The following ZFAND2A variants were observed in gnomAD, a reference collection of about 807,000 sequenced individuals.
ZFAND2A encodes the protein AN1-type zinc finger protein 2A.
A neutral mutation model predicts 11.6 loss-of-function variants in ZFAND2A; 20 were observed. The observed-to-expected ratio is 1.72, with a 90% CI of 1.21 to 2.50. ZFAND2A has a LOEUF of 2.50. ZFAND2A is among the 30% of genes most tolerant of loss of function. The pLI is 0.00. For synonymous variants in ZFAND2A, 93 were observed against 60.6 expected (o/e 1.54, Z -2.48); for missense variants, 234 against 182.9 (o/e 1.28, Z -1.61).
chr7:1,150,838 A>G (rs942882234), downstream of ZFAND2A, among the ~76,000 whole-genome samples: 4 of 150,504 alleles, frequency 2.7e-5, no homozygotes, highest in African/African-American at 9.8e-5. Context: ...GCTGAAATAG[A>G]TCCAGGTGCA....
intron 2 of ZFAND2A, 65 bp from the exon 3 acceptor site, chr7:1,157,815 C>A: frequency 2.4e-6 from 3 of 1,267,956 alleles, no homozygotes; most frequent in Non-Finnish European, 3.3e-6. Context: ...ATAGTACTAT[C>A]AAAGTGTTTA....
In ZFAND2A at chr7:1,152,989, G is replaced by A; in HGVS notation, c.*80C>T. On this transcript the variant is annotated 3_prime_UTR_variant, in exon 5 of 5. Transcript: ENST00000316495. ...AGCCAGTGTGGGATGGTGCTCAATG[G>A]GGCTCCACTTCCCACTAGAGTGTAA... The A allele has an allele frequency of 6.4e-7, 1 of 1,568,232 alleles. No homozygotes were observed. Among genetic ancestry groups the A allele is most frequent in the South Asian group, 1.1e-5 (1 of 87,764 alleles).
downstream of ZFAND2A, chr7:1,152,432 G>A: frequency 7.0e-7 from 1 of 1,424,256 alleles, no homozygotes; most frequent in Non-Finnish European, 9.3e-7. Context: ...AACTACCACT[G>A]GCCTGGCCCA....
chr7:1,152,893 G>A (rs192067270), downstream of ZFAND2A: 1,554 of 987,270 alleles, frequency 1.6e-3, 2 homozygotes, highest in Non-Finnish European at 2.2e-3. Context: ...AGTGGGCAAT[G>A]AGAACAACTA....
At position 1,153,024 on chromosome 7, in the gene ZFAND2A, A is replaced by T. The variant is rs752645129; in HGVS notation, c.*45T>A. The T allele has an allele frequency of 6.2e-7, 1 of 1,612,224 alleles. No homozygotes were observed. Among genetic ancestry groups the T allele is most frequent in the Non-Finnish European group, 8.5e-7 (1 of 1,179,102 alleles). ...TCCCACTAGAGTGTAAGCTGCTTCC[A>T]CGCATGCTACTGCGTGCTCCGAGCC... On this transcript the variant is annotated 3_prime_UTR_variant, in exon 5 of 5. Transcript: ENST00000316495.
rs780470934 is a variant in ZFAND2A, at chr7:1,158,168, G to C, written c.45C>G (p.Cys15Trp). The change falls in exon 2 of 5, where the codon TGC (cysteine) becomes TGG (tryptophan). Residue 15 changes from cysteine to tryptophan, a missense_variant. By Grantham distance (215) the Cys-to-Trp change is radical (BLOSUM62 -2). Coordinates refer to ENST00000316495, the MANE Select transcript of ZFAND2A (RefSeq NM_182491.4). ...CTTAAAAGTACTCACCTAGCTGCTTGCAAGTCTTTTCTGAACAATGCTTCC... is the reference window on the plus strand; with the variant it reads ...CTTAAAAGTACTCACCTAGCTGCTTCCAAGTCTTTTCTGAACAATGCTTCC... ...DLGKHCSEKT[C>W]KQLDFLPVKC... 23 of 1,614,114 alleles carry C rather than the reference G, an allele frequency of 1.4e-5. No individual in the cohort carries two copies. In the East Asian group the frequency reaches 2.9e-4, roughly 20 times the overall value.
At position 1,156,599 on chromosome 7, in the gene ZFAND2A, A is replaced by G. The variant is rs1793530441; in HGVS notation, c.151-1015T>C. ...TGAGCTGGGGGCTCCGAAGGGGTGG[A>G]CCGCCCAGCAGCTAACGCCCAGCAT... On this transcript the variant is annotated intron_variant, in intron 3 of 4. Transcript: ENST00000316495. 2.0e-5 allele frequency among the ~76,000 whole-genome samples: 3 copies of G among 151,704 alleles called. No individual in the cohort carries two copies. In the South Asian group the frequency reaches 6.2e-4, roughly 32 times the overall value.
downstream of ZFAND2A, chr7:1,152,042 A>G (rs1237001864): frequency 1.4e-5 from 7 of 510,368 alleles, no homozygotes; most frequent in Non-Finnish European, 2.0e-5. Context: ...AACCAGCTGT[A>G]TGATGCTGCT....
downstream of ZFAND2A, chr7:1,152,834 G>T: frequency 3.0e-6 from 2 of 670,830 alleles, no homozygotes; most frequent in South Asian, 3.5e-5. Context: ...TGAAAGAACC[G>T]ATTTCTATGG....
At chr7:1,153,259 T>C in intron 4 of ZFAND2A, 35 bp from the exon 5 acceptor site, 1 of 1,601,344 alleles carries the variant, frequency 6.2e-7, no homozygotes, top group Non-Finnish European at 8.5e-7. Context: ...AAGCAATTCT[T>C]TTTTTGGAGA....
Position 1,153,138 on chromosome 7 carries a change from A to G in ZFAND2A, c.369T>C (p.Cys123=). Residue 123 remains cysteine, a synonymous_variant, in exon 5 of 5, where the codon TGT becomes TGC. Transcript: ENST00000316495. Reference sequence around the variant, plus strand: ...GGTCCAAAGGGTGTCTGTGCTGGATACAGAAGTTGCCGTGACATTGGGCAC... The same window carrying G: ...GGTCCAAAGGGTGTCTGTGCTGGATGCAGAAGTTGCCGTGACATTGGGCAC... ...MVCAQCHGNF[C]IQHRHPLDHS... The G allele has an allele frequency of 2.5e-6, 4 of 1,614,226 alleles. No homozygotes were observed. The highest frequency in any genetic ancestry group is 3.4e-6 in the Non-Finnish European group (4 of 1,180,040).
intron 3 of ZFAND2A, 197 bp from the exon 4 acceptor site, chr7:1,155,781 C>A: frequency 1.8e-6 from 1 of 558,196 alleles, no homozygotes; most frequent in South Asian, 2.2e-5. Flanking sequence ...ATCAGCTGCC[C>A]TGAGGAGTCT....
intron 1 of ZFAND2A, among the ~76,000 whole-genome samples, chr7:1,159,416 G>A (rs1385396370): frequency 2.0e-5 from 3 of 152,072 alleles, no homozygotes; most frequent in Admixed American, 1.3e-4. Context: ...CCGGTACTAC[G>A]GCCCCGATGG....
downstream of ZFAND2A, chr7:1,152,120 C>G: frequency 1.6e-6 from 2 of 1,258,730 alleles, no homozygotes; most frequent in South Asian, 1.9e-5. Context: ...TGTCCTTCAT[C>G]CATCCTGACG....
downstream of ZFAND2A, chr7:1,151,923 T>A (rs568633579): frequency 1.1e-3 from 229 of 217,648 alleles, 1 homozygote; most frequent in Middle Eastern, 3.0e-3. Flanking sequence ...AAGGACCTCA[T>A]CACTTTCCAC....
rs189784396 is a variant in ZFAND2A, at chr7:1,155,309, G to A, written c.282+144C>T. ...GAAAACTCAGGCCCCTCGCAGTTTAGGACAGGGATAACGCAGCGTTAGGAC... is the reference window on the plus strand; with the variant it reads ...GAAAACTCAGGCCCCTCGCAGTTTAAGACAGGGATAACGCAGCGTTAGGAC... On this transcript the variant is annotated intron_variant, in intron 4 of 4. Transcript: ENST00000316495. 577 of 1,180,160 alleles carry A rather than the reference G, an allele frequency of 4.9e-4. 4 individuals are homozygous for A. In the African/African-American group the frequency reaches 8.4e-3, roughly 17 times the overall value. 73.1% of individuals were successfully genotyped at this position (1,180,160 alleles called of 1,614,324 possible).
chr7:1,151,051 T>C (rs1477867939), downstream of ZFAND2A, among the ~76,000 whole-genome samples: 1 of 152,050 alleles, frequency 6.6e-6, no homozygotes, highest in Non-Finnish European at 1.5e-5. Context: ...CCACCACACC[T>C]GGCTAATTTT....
chr7:1,157,686 A>G lies in ZFAND2A; in HGVS notation c.120T>C (p.Ala40=). 2 of 1,569,532 alleles carry G rather than the reference A, an allele frequency of 1.3e-6. No homozygotes were observed. The highest frequency in any genetic ancestry group is 1.7e-6 in the Non-Finnish European group (2 of 1,163,274). The stretch of plus-strand genomic sequence containing the variant: ...GGAATGCAAACGGACACTTATGTGC[A>G]GCGTATGGAAAATGATCTTTACAGA... The part of the protein sequence containing the change: ...QDFCKDHFPY[A]AHKCPFAFQK... Residue 40 remains alanine (A), a synonymous_variant, in exon 3 of 5, where the codon GCT becomes GCC. Coordinates refer to ENST00000316495, the MANE Select transcript of ZFAND2A (RefSeq NM_182491.4).
At chr7:1,159,472 G>A (rs1350169796) in intron 1 of ZFAND2A, among the ~76,000 whole-genome samples, 1 of 144,090 alleles carries the variant, frequency 6.9e-6, no homozygotes, top group Non-Finnish European at 1.5e-5. Flanking sequence ...CAGACAGGCC[G>A]GACCCCCAGC....
Sources: gnomAD v4.1 joint callset for allele counts (sites outside exome capture counted in the v4.1 genomes callset) on GRCh38, gnomAD v4.1.1 for gene constraint, MANE v1.5 for transcripts, NCBI Gene and HGNC (gene_info 2026-07-23, HGNC 2026-07-21) for gene names.